The following RMST variants were observed in gnomAD, a reference collection of about 807,000 sequenced individuals.
RMST encodes the protein long intergenic non-protein coding RNA 54.
chr12:97,481,895 C>T (rs1337751358), intron 5 of RMST, among the ~76,000 whole-genome samples: 1 of 152,194 alleles, frequency 6.6e-6, no homozygotes, highest in African/African-American at 2.4e-5. Context: ...GCTGCTCTTT[C>T]CACATCCATC....
intron 10 of RMST, among the ~76,000 whole-genome samples, chr12:97,516,097 T>C (rs1879903990): frequency 6.6e-6 from 1 of 152,060 alleles, no homozygotes; most frequent in African/African-American, 2.4e-5. Context: ...ATGATGAATC[T>C]CCAGTTTTTA....
At chr12:97,514,347 A>T (rs1170107369) in intron 10 of RMST, among the ~76,000 whole-genome samples, 1 of 152,222 alleles carries the variant, frequency 6.6e-6, no homozygotes, top group Non-Finnish European at 1.5e-5. Flanking sequence ...TTCTATAGGA[A>T]ATGACAATGA....
At chr12:97,488,754 T>C (rs2136442800) in intron 5 of RMST, among the ~76,000 whole-genome samples, 1 of 152,168 alleles carries the variant, frequency 6.6e-6, no homozygotes, top group East Asian at 1.9e-4. Context: ...TTTCAATCCG[T>C]TCCGTTTTCT....
intron 10 of RMST, among the ~76,000 whole-genome samples, chr12:97,522,796 A>G (rs1880651721): frequency 6.6e-6 from 1 of 152,146 alleles, no homozygotes; most frequent in African/African-American, 2.4e-5. Context: ...ATATTTTCTT[A>G]CCATAAATTT....
chr12:97,553,950 T>TTA (rs372540239), intron 11 of RMST, among the ~76,000 whole-genome samples: 1 of 100,358 alleles, frequency 1.0e-5, no homozygotes, highest in Non-Finnish European at 1.8e-5. Context: ...TTTCTTTCTC[T>TTA]TTTTTTTTTT....
chr12:97,491,629 C>T, intron 5 of RMST: 1 of 215,868 alleles, frequency 4.6e-6, no homozygotes, highest in Admixed American at 4.4e-5. Flanking sequence ...ATTGTGCCAC[C>T]ATTGTCTTGT....
chr12:97,546,121 T>A (rs1222921783), intron 11 of RMST, among the ~76,000 whole-genome samples: 2 of 152,144 alleles, frequency 1.3e-5, no homozygotes, highest in Non-Finnish European at 2.9e-5. Context: ...GTTATTTTTT[T>A]ATGGTATATC....
At chr12:97,494,464 C>A (rs536680151) in intron 8 of RMST, among the ~76,000 whole-genome samples, 34 of 152,114 alleles carry the variant, frequency 2.2e-4, no homozygotes, top group African/African-American at 8.2e-4. Flanking sequence ...GTGGGAGGAC[C>A]CCTTGAGCCC....
At chr12:97,517,757 G>C (rs1009718587) in intron 10 of RMST, among the ~76,000 whole-genome samples, 3 of 151,940 alleles carry the variant, frequency 2.0e-5, no homozygotes, top group African/African-American at 7.2e-5. Context: ...ATGAACATCT[G>C]TGTATGTGTC....
chr12:97,516,958 G>T (rs939076296), intron 10 of RMST, among the ~76,000 whole-genome samples: 1 of 152,056 alleles, frequency 6.6e-6, no homozygotes, highest in African/African-American at 2.4e-5. Flanking sequence ...GTATTATTAT[G>T]AGTTGTATAG....
At position 97,524,085 on chromosome 12, in the gene RMST, A is replaced by G. The variant is rs1233650097; in HGVS notation, n.1341-6570A>G. 3.0e-4 allele frequency among the ~76,000 whole-genome samples: 43 copies of G among 142,752 alleles called. 1 individual carries two copies. The highest frequency in any genetic ancestry group is 6.7e-4 in the East Asian group (3 of 4,458). The allele number at this position is 142,752 out of a possible 152,430, so 93.7% of individuals were successfully genotyped here. On this transcript the variant is annotated intron_variant and non_coding_transcript_variant, in intron 10 of 13. Transcript: ENST00000640149. ...AGTGAGACTCTGTCTCAAAAAAAAA[A>G]AAAAAAAAAAAAAAAAAATCACATA...
intron 11 of RMST, among the ~76,000 whole-genome samples, chr12:97,550,323 C>T (rs375454682): frequency 2.4e-4 from 37 of 152,110 alleles, no homozygotes; most frequent in Middle Eastern, 3.4e-3. Flanking sequence ...ACCTGGGAGG[C>T]GGAGGTTGCG....
chr12:97,555,551 C>G (rs1018269311), intron 11 of RMST, among the ~76,000 whole-genome samples: 4 of 152,214 alleles, frequency 2.6e-5, no homozygotes, highest in African/African-American at 9.6e-5. Context: ...TCCATTCTGT[C>G]AGCCCTCCGT....
chr12:97,482,345 T>C, intron 5 of RMST, among the ~76,000 whole-genome samples: 1 of 152,158 alleles, frequency 6.6e-6, no homozygotes, highest in East Asian at 1.9e-4. Context: ...AGTGTGACTG[T>C]GTTCCAGTAA....
intron 5 of RMST, among the ~76,000 whole-genome samples, chr12:97,489,430 TAG>T (rs1311368383): frequency 6.6e-6 from 1 of 150,610 alleles, no homozygotes; most frequent in East Asian, 2.0e-4. Context: ...CTGGATGACA[TAG>T]AGAGTCCCTG....
intron 5 of RMST, among the ~76,000 whole-genome samples, chr12:97,490,084 A>C (rs2136446813): frequency 6.6e-6 from 1 of 152,276 alleles, no homozygotes; most frequent in South Asian, 2.1e-4. Context: ...CAAACATCTT[A>C]AAATGTAAGT....
At chr12:97,486,416 G>C (rs896937168) in intron 5 of RMST, among the ~76,000 whole-genome samples, 1 of 152,200 alleles carries the variant, frequency 6.6e-6, no homozygotes, top group Non-Finnish European at 1.5e-5. Flanking sequence ...GAGGAAGACA[G>C]ACCTTTGCCA....
chr12:97,560,294 G>A (rs1311304329), intron 11 of RMST, among the ~76,000 whole-genome samples: 1 of 152,194 alleles, frequency 6.6e-6, no homozygotes, highest in Non-Finnish European at 1.5e-5. Context: ...CCTCGCTAAA[G>A]TGTCTTAGAA....
At chr12:97,543,626 GCTGT>G (rs1882719335) in intron 11 of RMST, among the ~76,000 whole-genome samples, 1 of 151,960 alleles carries the variant, frequency 6.6e-6, no homozygotes, top group African/African-American at 2.4e-5. Context: ...TGCTCCTGCT[GCTGT>G]CTAACATTTA....
Sources: gnomAD v4.1 joint callset for allele counts (sites outside exome capture counted in the v4.1 genomes callset) on GRCh38, gnomAD v4.1.1 for gene constraint, MANE v1.5 for transcripts, NCBI Gene and HGNC (gene_info 2026-07-23, HGNC 2026-07-21) for gene names.